PGPEP1L: variants seen among roughly 807,000 people sequenced by gnomAD.
PGPEP1L encodes pyroglutamyl-peptidase 1-like protein.
PGPEP1L carries 7 observed loss-of-function variants against 6.0 expected under a neutral mutation model. That is an observed-to-expected ratio of 1.17 (90% CI 0.66 to 2.19). PGPEP1L has a LOEUF of 2.19. PGPEP1L is among the 30% of genes most tolerant of loss of function. The pLI is 0.00. For synonymous variants in PGPEP1L, 103 were observed against 83.9 expected (o/e 1.23, Z -1.24); for missense variants, 209 against 192.5 (o/e 1.09, Z -0.51).
At chr15:99,000,361 C>G (rs567285161) in intron 2 of PGPEP1L, among the ~76,000 whole-genome samples, 20 of 152,334 alleles carry the variant, frequency 1.3e-4, no homozygotes, top group African/African-American at 3.4e-4. Context: ...CCAGTCCCAT[C>G]GACCACCCCA....
At chr15:98,971,342 G>C (rs2017494363) in intron 2 of PGPEP1L, among the ~76,000 whole-genome samples, 184 bp from the exon 3 acceptor site, 1 of 152,044 alleles carries the variant, frequency 6.6e-6, no homozygotes, top group Non-Finnish European at 1.5e-5. Flanking sequence ...TCCTACCAGA[G>C]AGGCAAATGC....
rs985594345 is a variant in PGPEP1L at position 98,984,921 on chromosome 15, T to G, written c.-141-13763A>C. ...CGACTGGCAGAGGGTACCGGAACCC[T>G]GGACGTGGGCCTGCCAGCCTAGGAA... On this transcript the variant is annotated intron_variant, in intron 2 of 4. Coordinates refer to ENST00000535714, the MANE Select transcript of PGPEP1L (RefSeq NM_001167902.2). Among the ~76,000 whole-genome samples the G allele has an allele frequency of 3.3e-5, 5 of 152,228 alleles. No homozygotes were observed. The South Asian group carries it at 6.2e-4, about 19-fold the overall frequency.
chr15:99,007,575 G>A lies in PGPEP1L; in HGVS notation c.-586C>T, dbSNP rs782308392. 6.6e-6 allele frequency: 1 copy of A among 152,076 alleles called. No homozygotes were observed. The highest frequency in any genetic ancestry group is 1.9e-4 in the East Asian group (1 of 5,144). 9.4% of individuals were successfully genotyped at this position (152,076 alleles called of 1,614,324 possible). A position where few individuals can be genotyped will look rare whatever the true frequency, so the allele number is the denominator to read the frequency against. On this transcript the variant is annotated 5_prime_UTR_variant, in exon 1 of 5. Coordinates refer to ENST00000535714, the MANE Select transcript of PGPEP1L (RefSeq NM_001167902.2). ...GTGAAGCTACGGACCTTCATCATGA[G>A]TGCTACGGCTCTTAAGGTGGCGTGT...
At chr15:98,980,372 A>C (rs1469363555) in intron 2 of PGPEP1L, among the ~76,000 whole-genome samples, 1 of 152,196 alleles carries the variant, frequency 6.6e-6, no homozygotes, top group South Asian at 2.1e-4. Context: ...GAGGAGACAG[A>C]CTTTCAAAAG....
chr15:98,987,284 TTGG>T (rs2017761587), intron 2 of PGPEP1L, among the ~76,000 whole-genome samples: 1 of 151,978 alleles, frequency 6.6e-6, no homozygotes, highest in African/African-American at 2.4e-5. Flanking sequence ...TATTGGAGTG[TTGG>T]TGGTAGAGTC....
intron 1 of PGPEP1L, among the ~76,000 whole-genome samples, chr15:99,007,147 C>G (rs80126209): frequency 6.6e-6 from 1 of 152,186 alleles, no homozygotes; most frequent in Non-Finnish European, 1.5e-5. Context: ...CTCTTCACTG[C>G]CAACAGGTGG....
intron 2 of PGPEP1L, among the ~76,000 whole-genome samples, chr15:98,981,125 CAGA>C (rs556781560): frequency 5.7e-4 from 86 of 152,198 alleles, no homozygotes; most frequent in South Asian, 4.8e-3. Flanking sequence ...AGAAAAGCAG[CAGA>C]AAAGTCCCAA....
intron 2 of PGPEP1L, among the ~76,000 whole-genome samples, chr15:98,983,497 T>C (rs2017699061): frequency 6.6e-6 from 1 of 152,118 alleles, no homozygotes. Context: ...ACCCTGGGTG[T>C]GTTTTCAAAA....
At chr15:98,981,420 G>A (rs1372494257) in intron 2 of PGPEP1L, among the ~76,000 whole-genome samples, 1 of 150,114 alleles carries the variant, frequency 6.7e-6, no homozygotes, top group Non-Finnish European at 1.5e-5. Context: ...AACCCGGGAG[G>A]CAGAGCTTGC....
rs779841764 is a variant in PGPEP1L, at chr15:98,969,581, C to A, written c.53G>T (p.Gly18Val). The A allele has an allele frequency of 6.2e-6, 10 of 1,613,708 alleles. No homozygotes were observed. The East Asian group carries it at 6.7e-5, about 11-fold the overall frequency. Residue 18 changes from glycine (G) to valine (V), a missense_variant, in exon 4 of 5, where the codon GGC becomes GTC. Physicochemically the swap from Gly to Val is moderately radical, Grantham distance 109 (BLOSUM62 -3). Coordinates refer to ENST00000535714, the MANE Select transcript of PGPEP1L (RefSeq NM_001167902.2). Reference protein sequence around the residue: ...IILEQSGKNQGYRDADIRSFW... With the variant: ...IILEQSGKNQVYRDADIRSFW... ...GCTGCGGATGTCGGCGTCCCGGTAG[C>A]CTTGGTTCTTGCCAGACTGTTCCAG...
chr15:98,992,735 G>C (rs1229159462), intron 2 of PGPEP1L, among the ~76,000 whole-genome samples: 1 of 152,170 alleles, frequency 6.6e-6, no homozygotes, highest in African/African-American at 2.4e-5. Flanking sequence ...CATGGTACTA[G>C]TACCAAAACA....
chr15:98,990,992 A>G (rs976404666), intron 2 of PGPEP1L, among the ~76,000 whole-genome samples: 1 of 152,244 alleles, frequency 6.6e-6, no homozygotes, highest in Non-Finnish European at 1.5e-5. Flanking sequence ...ATAGCATTAA[A>G]TGCCTACAAG....
intron 2 of PGPEP1L, among the ~76,000 whole-genome samples, chr15:98,971,638 A>G (rs2017498986): frequency 6.6e-6 from 1 of 152,240 alleles, no homozygotes; most frequent in Non-Finnish European, 1.5e-5. Flanking sequence ...TCAATGCCAG[A>G]CCTGTCTTAC....
chr15:98,975,859 C>T lies in PGPEP1L; in HGVS notation c.-141-4701G>A, dbSNP rs1010448270. Among the ~76,000 whole-genome samples, 13 of 151,966 alleles carry T rather than the reference C, an allele frequency of 8.6e-5. No homozygotes were observed. The South Asian group carries it at 1.5e-3, about 17-fold the overall frequency. On this transcript the variant is annotated intron_variant, in intron 2 of 4. Coordinates refer to ENST00000535714, the MANE Select transcript of PGPEP1L (RefSeq NM_001167902.2). ...TCACGCTACTGCACTCCAGCTTGGG[C>T]GACAGAGCGAGACTCTGTCTCAAAA...
chr15:98,969,388 C>A, intron 4 of PGPEP1L, 37 bp downstream of exon 4: 1 of 1,611,502 alleles, frequency 6.2e-7, no homozygotes, highest in South Asian at 1.1e-5. Context: ...TTGCTTCTCT[C>A]CTACCTGCTC....
intron 2 of PGPEP1L, among the ~76,000 whole-genome samples, chr15:98,994,883 CTA>C (rs2151764023): frequency 6.6e-6 from 1 of 152,338 alleles, no homozygotes; most frequent in South Asian, 2.1e-4. Context: ...ATATATTACT[CTA>C]TGTATTCTGG....
chr15:99,007,312 G>C (rs1405513442), intron 1 of PGPEP1L, 47 bp downstream of exon 1: 1 of 152,250 alleles, frequency 6.6e-6, no homozygotes, highest in Non-Finnish European at 1.5e-5. Flanking sequence ...TGTAGACTTG[G>C]TCTCTACCTC....
At chr15:99,004,252 TA>T (rs372067083) in intron 2 of PGPEP1L, among the ~76,000 whole-genome samples, 18 of 151,830 alleles carry the variant, frequency 1.2e-4, no homozygotes, top group Admixed American at 3.3e-4. Context: ...AAAACTAAAA[TA>T]AAATAAATTG....
chr15:98,980,939 GA>G (rs34836014), intron 2 of PGPEP1L, among the ~76,000 whole-genome samples: 17 of 145,918 alleles, frequency 1.2e-4, no homozygotes, highest in African/African-American at 3.8e-4. Flanking sequence ...TCTGGAAAAG[GA>G]AAAAAAAAAA....
Sources: gnomAD v4.1 joint callset for allele counts (sites outside exome capture counted in the v4.1 genomes callset) on GRCh38, gnomAD v4.1.1 for gene constraint, MANE v1.5 for transcripts, NCBI Gene and HGNC (gene_info 2026-07-23, HGNC 2026-07-21) for gene names.